The following CPLANE1 variants were observed in gnomAD, a reference collection of about 807,000 sequenced individuals.
The protein encoded by CPLANE1 is ciliogenesis and planar polarity effector 1.
In CPLANE1, 263 loss-of-function variants were observed where a neutral mutation model predicts 362.5. The ratio of observed to expected loss-of-function variants is 0.73; its 90% confidence interval spans 0.66 to 0.80. CPLANE1 has a LOEUF of 0.80. CPLANE1 is among the 30% of genes least tolerant of loss of function. CPLANE1 has a pLI of 0.00. For missense variants in CPLANE1, 3,461 were observed against 3,793.4 expected, an observed-to-expected ratio of 0.91 and a Z score of 2.30; for synonymous variants, 1,212 against 1,302.6, an observed-to-expected ratio of 0.93 and a Z score of 1.50.
intron 32 of CPLANE1, 36 bp downstream of exon 32, chr5:37,173,719 G>T (rs1780415804): frequency 6.6e-7 from 1 of 1,525,490 alleles, no homozygotes; most frequent in Non-Finnish European, 9.1e-7. Context: ...TGTACACTAT[G>T]TGTAGATTTA....
At chr5:37,210,006 A>T (rs540045539) in intron 16 of CPLANE1, 1 of 865,242 alleles carries the variant, frequency 1.2e-6, no homozygotes, top group East Asian at 2.4e-5. Context: ...TCGGGAAGAA[A>T]TATGTCAAAA....
chr5:37,112,100 T>G (rs945414711), intron 51 of CPLANE1, among the ~76,000 whole-genome samples: 1 of 152,240 alleles, frequency 6.6e-6, no homozygotes, highest in African/African-American at 2.4e-5. Flanking sequence ...CAAACTCATC[T>G]TGGCTACAAT....
chr5:37,244,646 T>A (rs1452900354), intron 4 of CPLANE1, 39 bp from the exon 5 acceptor site: 2 of 1,155,338 alleles, frequency 1.7e-6, no homozygotes, highest in South Asian at 2.9e-5. Context: ...GCCTCTGAAG[T>A]CTGAATTCCC....
chr5:37,240,318 C>T (rs1395094500), intron 6 of CPLANE1, among the ~76,000 whole-genome samples: 1 of 152,030 alleles, frequency 6.6e-6, no homozygotes, highest in African/African-American at 2.4e-5. Context: ...CCACTGCACT[C>T]CAGCCTGGGC....
chr5:37,107,642 T>TCCA lies in CPLANE1; in HGVS notation c.9713_9715dup (p.Val3238dup). 1 of 1,611,202 alleles carries TCCA rather than the reference T, an allele frequency of 6.2e-7. No homozygotes were observed. Among genetic ancestry groups the TCCA allele is most frequent in the Non-Finnish European group, 8.5e-7 (1 of 1,179,386 alleles). ...CCAGTGGACAGACAGGCCCTGGTCC[T>TCCA]CCACGCTGGCCACCATGTCTTCGAT... On this transcript the variant is annotated inframe_insertion, in exon 53 of 53. Transcript: ENST00000651892.
chr5:37,249,184 C>A, intron 1 of CPLANE1, 61 bp downstream of exon 1: 1 of 152,520 alleles, frequency 6.6e-6, no homozygotes, highest in Non-Finnish European at 1.5e-5. Flanking sequence ...CGAGGACGCC[C>A]GGGTCCGGGG....
At position 37,184,827 on chromosome 5, in the gene CPLANE1, A is replaced by G; in HGVS notation, c.4442T>C (p.Leu1481Ser). The change falls in exon 25 of 53, where the codon TTG becomes TCG. Residue 1481 changes from leucine (L) to serine (S), a missense_variant. Physicochemically the swap from Leu to Ser is moderately radical, Grantham distance 145. This residue lies in a region of CPLANE1 where 3,380 missense variants were observed against 3,666.1 expected (regional missense o/e 0.92). Transcript: ENST00000651892. ...TATCCTACTTTTTTCTTCAACCGAC[A>G]AAGCTTCAGAGAACGTATCTGCATC... is the stretch of plus-strand genomic sequence containing the variant. ...HSDADTFSEA[L>S]SVEEKSRINI... is the part of the protein sequence containing the mutation. 6.2e-7 allele frequency: 1 copy of G among 1,612,836 alleles called. No individual in the cohort carries two copies. The highest frequency in any genetic ancestry group is 8.5e-7 in the Non-Finnish European group (1 of 1,179,650).
chr5:37,093,035 T>C, the CPLANE1 span, among the ~76,000 whole-genome samples: 1 of 152,176 alleles, frequency 6.6e-6, no homozygotes, highest in Non-Finnish European at 1.5e-5. Context: ...TGACATGCGA[T>C]TGGCAAGGAT....
At chr5:37,091,912 C>T in the CPLANE1 span, among the ~76,000 whole-genome samples, 11 of 152,250 alleles carry the variant, frequency 7.2e-5, no homozygotes, top group Admixed American at 2.0e-4. Flanking sequence ...AAGCCCCGGA[C>T]GTCACCTGGG....
At chr5:37,141,185 C>T in intron 44 of CPLANE1, 1 of 985,324 alleles carries the variant, frequency 1.0e-6, no homozygotes, top group Non-Finnish European at 1.2e-6. Context: ...GGTCTCTATG[C>T]CTCCATTCTA....
At chr5:37,148,595 A>G (rs1025653310) in intron 42 of CPLANE1, among the ~76,000 whole-genome samples, 9 of 152,350 alleles carry the variant, frequency 5.9e-5, no homozygotes, top group South Asian at 2.1e-4. Flanking sequence ...TTTTAGTGGC[A>G]TAACACGGTC....
At chr5:37,117,562 A>G (rs1761387178) in intron 50 of CPLANE1, among the ~76,000 whole-genome samples, 1 of 152,208 alleles carries the variant, frequency 6.6e-6, no homozygotes, top group Non-Finnish European at 1.5e-5. Context: ...AGACACACAG[A>G]AGTGAGACAT....
At chr5:37,093,687 C>T in the CPLANE1 span, among the ~76,000 whole-genome samples, 1 of 152,312 alleles carries the variant, frequency 6.6e-6, no homozygotes, top group East Asian at 1.9e-4. Context: ...ATCACTGCCA[C>T]TCCTGACAAA....
At chr5:37,126,101 G>T (rs537803667) in intron 46 of CPLANE1, among the ~76,000 whole-genome samples, 2 of 152,260 alleles carry the variant, frequency 1.3e-5, no homozygotes, top group Non-Finnish European at 2.9e-5. Context: ...CAGGTTGAAT[G>T]GCACATGCCT....
In CPLANE1 at chr5:37,221,457, G is replaced by T. The variant is rs1057521941; in HGVS notation, c.2613C>A (p.Arg871=). ...GGCAGTATAAGAGAGAAAGATAATA[G>T]CGTATCTGAAGAAAATACGTCCTTC... is the stretch of plus-strand genomic sequence containing the variant. ...GGRRTYFLQI[R]YYLSLLYCHL... Residue 871 remains arginine (R), a synonymous_variant, in exon 15 of 53, where the codon CGC becomes CGA. Coordinates refer to ENST00000651892, the MANE Select transcript of CPLANE1 (RefSeq NM_001384732.1). 3 of 1,509,816 alleles carry T rather than the reference G, an allele frequency of 2.0e-6. No individual in the cohort carries two copies. The Admixed American group carries it at 7.5e-5, about 38-fold the overall frequency. The allele number at this position is 1,509,816 out of a possible 1,614,324, so 93.5% of individuals were successfully genotyped here.
At chr5:37,179,944 T>G in intron 28 of CPLANE1, 73 bp downstream of exon 28, 1 of 1,002,778 alleles carries the variant, frequency 1.0e-6, no homozygotes. Context: ...ACTAAATAAG[T>G]TACCTCAGAT....
At chr5:37,214,790 G>A (rs1038405374) in intron 15 of CPLANE1, among the ~76,000 whole-genome samples, 6 of 152,012 alleles carry the variant, frequency 3.9e-5, no homozygotes, top group Admixed American at 6.6e-5. Flanking sequence ...TTCTCATCAC[G>A]TTTAGTGCAG....
chr5:37,205,736 C>G (rs149805832), intron 17 of CPLANE1, among the ~76,000 whole-genome samples: 1 of 152,228 alleles, frequency 6.6e-6, no homozygotes, highest in Non-Finnish European at 1.5e-5. Flanking sequence ...TGTTTTGAGA[C>G]AGGGTCTCAC....
In CPLANE1 at chr5:37,211,741, A is replaced by G. The variant is rs1402863727; in HGVS notation, c.2920+1818T>C. The G allele has an allele frequency of 3.8e-6, 3 of 781,830 alleles. No homozygotes were observed. In the African/African-American group the frequency reaches 5.1e-5, roughly 13 times the overall value. 48.4% of individuals were successfully genotyped at this position (781,830 alleles called of 1,614,324 possible). A position where few individuals can be genotyped will look rare whatever the true frequency, so the allele number is the denominator to read the frequency against. ...ATCCCTCCCTTCTCCAGCCCTCCGG[A>G]GCAGAAAGCGGGTCTTTACTGGAGA... On this transcript the variant is annotated intron_variant, in intron 16 of 52. Transcript: ENST00000651892.
Sources: gnomAD v4.1 joint callset for allele counts (sites outside exome capture counted in the v4.1 genomes callset) on GRCh38, gnomAD v4.1.1 for gene constraint, gnomAD v4.1.1 regional missense constraint, MANE v1.5 for transcripts, NCBI Gene and HGNC (gene_info 2026-07-23, HGNC 2026-07-21) for gene names.